The following ARAP2 variants were observed in gnomAD, a reference collection of about 807,000 sequenced individuals.
ARAP2 encodes ArfGAP with RhoGAP domain, ankyrin repeat and PH domain 2.
In ARAP2, 148 loss-of-function variants were observed where a neutral mutation model predicts 194.5. The ratio of observed to expected loss-of-function variants is 0.76; its 90% CI spans 0.67 to 0.87. The LOEUF is 0.87. Ranked by LOEUF, ARAP2 falls within the 40% of genes least tolerant of loss-of-function variation. ARAP2 has a pLI of 0.00. For missense variants in ARAP2, 2,128 were observed against 1,989.7 expected, an observed-to-expected ratio of 1.07 and a Z score of -1.32; for synonymous variants, 695 against 683.5, an observed-to-expected ratio of 1.02 and a Z score of -0.26.
intron 5 of ARAP2, among the ~76,000 whole-genome samples, chr4:36,025,044 T>C (rs1466422057): frequency 6.6e-6 from 1 of 152,174 alleles, no homozygotes; most frequent in Non-Finnish European, 1.5e-5. Flanking sequence ...TGTTCTAAGA[T>C]TCCCTTACTA....
chr4:36,157,279 G>C (rs1275333666), intron 15 of ARAP2: 2 of 151,924 alleles, frequency 1.3e-5, no homozygotes, highest in East Asian at 1.9e-4. Flanking sequence ...TAATTATTTT[G>C]ATGATTGATA....
At position 36,106,781 on chromosome 4, in the gene ARAP2, C is replaced by A. The variant is rs1718527050; in HGVS notation, c.4285+784G>T. On this transcript the variant is annotated intron_variant, in intron 27 of 32. Coordinates refer to ENST00000303965, the MANE Select transcript of ARAP2 (RefSeq NM_015230.4). ...TAACTTACAAGGAAGTTAAAAAAAA[C>A]TTTAAATGAGCTTTGGTGTGTGTTG... Among the ~76,000 whole-genome samples the A allele has an allele frequency of 2.6e-5, 4 of 151,872 alleles. No individual in the cohort carries two copies. In the South Asian group the frequency reaches 8.3e-4, roughly 32 times the overall value.
downstream of ARAP2, chr4:36,065,538 C>A (rs377547979): frequency 4.4e-5 from 11 of 252,486 alleles, no homozygotes; most frequent in African/African-American, 2.5e-4. Context: ...AGAGTTCACC[C>A]TTCAGCTCAT....
chr4:36,054,119 A>G (rs1400508068), intron 2 of ARAP2, among the ~76,000 whole-genome samples: 2 of 152,212 alleles, frequency 1.3e-5, no homozygotes, highest in Non-Finnish European at 2.9e-5. Context: ...ATACATCACT[A>G]CAACCACTAA....
downstream of ARAP2, among the ~76,000 whole-genome samples, chr4:36,063,162 T>G (rs191566074): frequency 1.0e-3 from 156 of 152,318 alleles, 1 homozygote; most frequent in East Asian, 0.022. Flanking sequence ...TAACTAACTC[T>G]GTGATTAAAG....
intron 9 of ARAP2, among the ~76,000 whole-genome samples, chr4:36,170,417 G>C (rs920069799): frequency 2.0e-5 from 3 of 152,166 alleles, no homozygotes; most frequent in Admixed American, 2.0e-4. Flanking sequence ...GTGAGACCCT[G>C]TCTCTACAAA....
chr4:36,018,155 G>T (rs961248160), intron 6 of ARAP2, among the ~76,000 whole-genome samples: 1 of 152,094 alleles, frequency 6.6e-6, no homozygotes, highest in Non-Finnish European at 1.5e-5. Context: ...GCCATGAAGT[G>T]TGTCATGTCA....
rs182853144 is a variant in ARAP2 at position 36,071,223 on chromosome 4, T to G, written c.4743+2466A>C. On this transcript the variant is annotated intron_variant, in intron 32 of 32. Coordinates refer to ENST00000303965, the MANE Select transcript of ARAP2 (RefSeq NM_015230.4). ...ATGCTAGTCATTATTCTAATAAAGT[T>G]TCATGTATAATGTCACTTAATCACA... Among the ~76,000 whole-genome samples the G allele has an allele frequency of 5.9e-4, 90 of 152,332 alleles. No individual in the cohort carries two copies. The East Asian group carries it at 0.013, about 22-fold the overall frequency.
chr4:36,102,662 T>C (rs1466724617), intron 27 of ARAP2, among the ~76,000 whole-genome samples: 1 of 152,052 alleles, frequency 6.6e-6, no homozygotes, highest in African/African-American at 2.4e-5. Flanking sequence ...ATAAACATCC[T>C]GACCTAGAGT....
At chr4:36,047,929 A>C (rs1722087686) in intron 3 of ARAP2, among the ~76,000 whole-genome samples, 1 of 152,220 alleles carries the variant, frequency 6.6e-6, no homozygotes, top group Non-Finnish European at 1.5e-5. Flanking sequence ...TGCAGTCAGA[A>C]TCTTCTTGCC....
intron 2 of ARAP2, among the ~76,000 whole-genome samples, chr4:36,056,392 C>G (rs1723518380): frequency 6.6e-6 from 1 of 152,172 alleles, no homozygotes; most frequent in African/African-American, 2.4e-5. Flanking sequence ...GGTGAAATGA[C>G]CACTCCTTTA....
At chr4:36,160,336 G>A (rs1733624539) in intron 13 of ARAP2, 123 bp downstream of exon 13, 2 of 1,248,998 alleles carry the variant, frequency 1.6e-6, no homozygotes, top group Non-Finnish European at 2.0e-6. Context: ...GTCACAAAAG[G>A]AAATAAAATA....
intron 19 of ARAP2, among the ~76,000 whole-genome samples, chr4:36,146,676 C>T (rs895075900): frequency 6.6e-6 from 1 of 151,996 alleles, no homozygotes; most frequent in Non-Finnish European, 1.5e-5. Context: ...GGATACTATC[C>T]CATCAGACTA....
At chr4:36,101,619 T>A (rs1056777589) in intron 27 of ARAP2, among the ~76,000 whole-genome samples, 1 of 152,006 alleles carries the variant, frequency 6.6e-6, no homozygotes, top group Admixed American at 6.6e-5. Flanking sequence ...ATATGTTTTC[T>A]GATCACTGAA....
intron 9 of ARAP2, among the ~76,000 whole-genome samples, chr4:36,173,156 A>G (rs1737035903): frequency 6.6e-6 from 1 of 152,172 alleles, no homozygotes; most frequent in Non-Finnish European, 1.5e-5. Context: ...ATTCATTAAT[A>G]TTAACATGAT....
chr4:36,151,067 A>G (rs1171956809), intron 15 of ARAP2, 23 bp from the exon 16 acceptor site: 3 of 1,575,214 alleles, frequency 1.9e-6, no homozygotes, highest in East Asian at 4.5e-5. Context: ...AACAAAACAA[A>G]TAACAAATTG....
At position 36,017,564 on chromosome 4, in the gene ARAP2, TAAAAAAA is replaced by T. The variant is rs71199694; in HGVS notation, n.750+1573_750+1579del. ...TTTAAGCAAAGACCTAAGAAAGTGG[TAAAAAAA>T]AAAAAAAAAAAAAAAAGCTTTCTGT... is the stretch of plus-strand genomic sequence containing the variant. On this transcript the variant is annotated intron_variant and non_coding_transcript_variant, in intron 6 of 12. Coordinates refer to the ARAP2 transcript ENST00000503225. Among the ~76,000 whole-genome samples, 9 of 42,572 alleles carry T rather than the reference TAAAAAAA, an allele frequency of 2.1e-4. 1 individual carries two copies. Among genetic ancestry groups the T allele is most frequent in the Admixed American group, 4.5e-4 (1 of 2,234 alleles). 27.9% of individuals were successfully genotyped at this position (42,572 alleles called of 152,430 possible). A position where few individuals can be genotyped will look rare whatever the true frequency, so the allele number is the denominator to read the frequency against.
intron 19 of ARAP2, among the ~76,000 whole-genome samples, chr4:36,141,190 C>T (rs1171738285): frequency 6.6e-6 from 1 of 151,570 alleles, no homozygotes; most frequent in African/African-American, 2.4e-5. Context: ...TGCCTTCTGC[C>T]TTCCTGGTCT....
At chr4:36,222,501 A>G (rs1560706232) in intron 2 of ARAP2, among the ~76,000 whole-genome samples, 1 of 151,952 alleles carries the variant, frequency 6.6e-6, no homozygotes, top group South Asian at 2.1e-4. Context: ...AATCACAAAA[A>G]TAGTAAGTGA....
Sources: gnomAD v4.1 joint callset for allele counts (sites outside exome capture counted in the v4.1 genomes callset) on GRCh38, gnomAD v4.1.1 for gene constraint, MANE v1.5 for transcripts, NCBI Gene and HGNC (gene_info 2026-07-23, HGNC 2026-07-21) for gene names.